DDOST: variants seen among roughly 807,000 people sequenced by gnomAD.
DDOST encodes dolichyl-diphosphooligosaccharide--protein glycosyltransferase non-catalytic subunit.
Under a neutral mutation model 47.6 loss-of-function variants are expected in DDOST, and 25 were observed. The ratio of observed to expected loss-of-function variants is 0.53; its 90% CI spans 0.38 to 0.73. The LOEUF (loss-of-function observed/expected upper bound fraction) is 0.73, where lower values mean the gene tolerates loss of function less well. DDOST is among the 30% of genes least tolerant of loss of function. DDOST has a pLI of 0.00. For synonymous variants in DDOST, 275 were observed against 236.0 expected, an observed-to-expected ratio of 1.17 and a Z score of -1.51; for missense variants, 526 against 573.9, an observed-to-expected ratio of 0.92 and a Z score of 0.85.
chr1:20,657,028 A>AG (rs1191677522), intron 2 of DDOST, among the ~76,000 whole-genome samples: 3 of 152,188 alleles, frequency 2.0e-5, no homozygotes, highest in Non-Finnish European at 2.9e-5. Context: ...ACAATGTGGG[A>AG]GGGGAGCTCT....
At chr1:20,660,788 T>G in intron 2 of DDOST, 93 bp downstream of exon 2, 1 of 745,952 alleles carries the variant, frequency 1.3e-6, no homozygotes, top group South Asian at 1.6e-5. Flanking sequence ...CAACCCATCC[T>G]GTGACCCAGG....
chr1:20,660,763 A>C (rs1570419151), intron 2 of DDOST, 118 bp downstream of exon 2: 1 of 644,948 alleles, frequency 1.6e-6, no homozygotes, highest in South Asian at 1.8e-5. Context: ...CCGTGGTAGC[A>C]CCATCCAGGA....
rs745995127 is a variant in DDOST at position 20,653,688 on chromosome 1, A to C, written c.881T>G (p.Val294Gly). The C allele has an allele frequency of 6.2e-7, 1 of 1,614,040 alleles. No homozygotes were observed. Among genetic ancestry groups the C allele is most frequent in the East Asian group, 2.2e-5 (1 of 44,862 alleles). ...TGTCTCGCCCACCCGATGATGGGAC[A>C]CAGGCCCCACACGGAGGACACCCTC... ...KEEGVLRVGP[V>G]SHHRVGETAP... Residue 294 changes from valine to glycine, a missense_variant, in exon 8 of 11, where the codon GTG (valine) becomes GGG (glycine). Transcript: ENST00000602624.
intron 7 of DDOST, among the ~76,000 whole-genome samples, chr1:20,654,000 G>A (rs1014185570): frequency 2.0e-5 from 3 of 152,192 alleles, no homozygotes; most frequent in African/African-American, 4.8e-5. Flanking sequence ...TAAAAGGAAC[G>A]GTGGAGGTTA....
intron 2 of DDOST, among the ~76,000 whole-genome samples, chr1:20,656,530 C>A (rs1399469755): frequency 6.6e-6 from 1 of 152,218 alleles, no homozygotes; most frequent in Non-Finnish European, 1.5e-5. Context: ...CATATTTCAT[C>A]TCATCACCTG....
chr1:20,659,692 T>C (rs1313005559), intron 2 of DDOST, among the ~76,000 whole-genome samples: 1 of 151,774 alleles, frequency 6.6e-6, no homozygotes, highest in African/African-American at 2.4e-5. Context: ...TGCAAGGGAG[T>C]TGGGAGTGAC....
At chr1:20,654,183 A>G in intron 7 of DDOST, 40 bp downstream of exon 7, 1 of 1,549,162 alleles carries the variant, frequency 6.5e-7, no homozygotes, top group South Asian at 1.2e-5. Flanking sequence ...CACACACTGC[A>G]CCACCCGGAT....
rs2053330623 is a variant in DDOST, at chr1:20,653,892, C to A, written c.795-118G>T. On this transcript the variant is annotated intron_variant, in intron 7 of 10. Transcript: ENST00000602624. ...CCCTAGCGAAGTTCTGCCTGTAGGC[C>A]TTGGGCACCTAGGGACTCATGGTTA... is the stretch of plus-strand genomic sequence containing the variant. The A allele has an allele frequency of 8.2e-6, 10 of 1,217,526 alleles. No homozygotes were observed. In the South Asian group the frequency reaches 1.4e-4, roughly 17 times the overall value. The allele number at this position is 1,217,526 out of a possible 1,614,324, so 75.4% of individuals were successfully genotyped here. A position where few individuals can be genotyped will look rare whatever the true frequency, so the allele number is the denominator to read the frequency against.
chr1:20,661,268 G>T lies in DDOST; in HGVS notation c.83C>A (p.Pro28His). 4.3e-6 allele frequency: 7 copies of T among 1,614,024 alleles called. No homozygotes were observed. Among genetic ancestry groups the T allele is most frequent in the Non-Finnish European group, 5.9e-6 (7 of 1,180,024 alleles). ...PLLGAVCASG[P>H]RTLVLLDNLN... ...GTTGTCCAGCAGCACTAAGGTGCGG[G>T]GTCCGCTGGCGCAAACCGCGCCAAG... The change falls in exon 1 of 11, where the codon CCC (proline) becomes CAC (histidine). Residue 28 changes from proline (P) to histidine (H), a missense_variant. Physicochemically the swap from Pro to His is moderately conservative, Grantham distance 77. Transcript: ENST00000602624.
In DDOST at chr1:20,652,414, A is replaced by C. The variant is rs768487044; in HGVS notation, c.1285T>G (p.Phe429Val). 8.1e-6 allele frequency: 13 copies of C among 1,613,890 alleles called. No homozygotes were observed. Among genetic ancestry groups the C allele is most frequent in the Middle Eastern group, 1.7e-4 (1 of 6,060 alleles). ...MLGLFIFSIV[F>V]LHMKEKEKSD ...TTCTCCTTCTCCTTCATGTGCAAGAAGACGATGCTGAAGATGAAGAGCCCC... is the reference window on the plus strand; with the variant it reads ...TTCTCCTTCTCCTTCATGTGCAAGACGACGATGCTGAAGATGAAGAGCCCC... The change falls in exon 11 of 11, where the codon TTC becomes GTC. Residue 429 changes from phenylalanine (F) to valine (V), a missense_variant. Coordinates refer to ENST00000602624, the MANE Select transcript of DDOST (RefSeq NM_005216.5).
intron 2 of DDOST, among the ~76,000 whole-genome samples, chr1:20,658,228 C>G (rs1469491507): frequency 6.6e-6 from 1 of 152,248 alleles, no homozygotes; most frequent in Non-Finnish European, 1.5e-5. Flanking sequence ...CTGAAAATTT[C>G]TTCCCTTGTA....
chr1:20,658,858 T>C (rs1305420071), intron 2 of DDOST, among the ~76,000 whole-genome samples: 1 of 140,054 alleles, frequency 7.1e-6, no homozygotes, highest in Non-Finnish European at 1.5e-5. Flanking sequence ...TCTCTTTTCT[T>C]TTTTTTTTTT....
At position 20,656,145 on chromosome 1, in the gene DDOST, A is replaced by G. The variant is rs536192419; in HGVS notation, c.308T>C (p.Ile103Thr). The G allele has an allele frequency of 4.2e-5, 68 of 1,614,198 alleles. 1 individual carries two copies. In the South Asian group the frequency reaches 4.7e-4, roughly 11 times the overall value. ...NINVETISAF[I>T]DGGGSVLVAA... ...TACCAGCACACTGCCTCCGCCGTCA[A>G]TAAAGGCACTGATGGTCTCCACGTT... The change falls in exon 3 of 11, where the codon ATT becomes ACT. Residue 103 changes from isoleucine (I) to threonine (T), a missense_variant. Physicochemically the swap from Ile to Thr is moderately conservative, Grantham distance 89 (BLOSUM62 -1). Transcript: ENST00000602624.
chr1:20,653,579 G>C, intron 8 of DDOST, 48 bp downstream of exon 8: 1 of 1,523,622 alleles, frequency 6.6e-7, no homozygotes, highest in Non-Finnish European at 8.9e-7. Context: ...GCTGAGCTCA[G>C]TCAGCTTGGC....
rs1036335973 is a variant in DDOST at position 20,652,576 on chromosome 1, C to T, written c.1170+45G>A. 19 of 1,613,974 alleles carry T rather than the reference C, an allele frequency of 1.2e-5. No homozygotes were observed. The Admixed American group carries it at 3.2e-4, about 27-fold the overall frequency. ...GGACCTGGCCACTGCAGAGCCCAGG[C>T]AGGGCACATGCTAGCTGAAAACAGA... On this transcript the variant is annotated intron_variant, in intron 10 of 10. Coordinates refer to ENST00000602624, the MANE Select transcript of DDOST (RefSeq NM_005216.5).
chr1:20,656,250 C>T lies in DDOST; in HGVS notation c.266-63G>A, dbSNP rs899663085. On this transcript the variant is annotated intron_variant, in intron 2 of 10. Transcript: ENST00000602624. ...CCTCTCCCTGCTCCTCTGACACTGG[C>T]AGGGAGGGGACATGAAGGGCAGAGC... 11 of 1,341,778 alleles carry T rather than the reference C, an allele frequency of 8.2e-6. No homozygotes were observed. The African/African-American group carries it at 1.6e-4, about 19-fold the overall frequency. The allele number at this position is 1,341,778 out of a possible 1,614,324, so 83.1% of individuals were successfully genotyped here.
intron 2 of DDOST, among the ~76,000 whole-genome samples, chr1:20,659,594 T>G (rs2154534399): frequency 6.6e-6 from 1 of 152,300 alleles, no homozygotes; most frequent in South Asian, 2.1e-4. Flanking sequence ...CGAAGCCCAG[T>G]CATCAGAAGA....
chr1:20,657,406 G>T lies in DDOST; in HGVS notation c.266-1219C>A, dbSNP rs115766294. ...AGACTAGGGTACGAGGGTGAAAGTG[G>T]CCATGGTGATGGGTTAGAAGGCCAC... On this transcript the variant is annotated intron_variant, in intron 2 of 10. Coordinates refer to ENST00000602624, the MANE Select transcript of DDOST (RefSeq NM_005216.5). 5.4e-3 allele frequency among the ~76,000 whole-genome samples: 820 copies of T among 152,320 alleles called. 6 individuals are homozygous for T. The highest frequency in any genetic ancestry group is 8.8e-3 in the Non-Finnish European group (596 of 68,034).
At position 20,654,331 on chromosome 1, in the gene DDOST, C is replaced by G. The variant is rs1169873980; in HGVS notation, c.686G>C (p.Gly229Ala). Residue 229 changes from glycine to alanine, a missense_variant, in exon 7 of 11, where the codon GGG becomes GCG. Transcript: ENST00000602624. ...GCGGGCATTGTTCCTGGCCTGGAGCCCAGCAATGAGGAGGGTGTTCTTCCC... is the reference window on the plus strand; with the variant it reads ...GCGGGCATTGTTCCTGGCCTGGAGCGCAGCAATGAGGAGGGTGTTCTTCCC... ...AVGKNTLLIA[G>A]LQARNNARVI... The G allele has an allele frequency of 3.9e-6, 6 of 1,557,624 alleles. No individual in the cohort carries two copies. Among genetic ancestry groups the G allele is most frequent in the Non-Finnish European group, 5.2e-6 (6 of 1,149,876 alleles).
Sources: gnomAD v4.1 joint callset for allele counts (sites outside exome capture counted in the v4.1 genomes callset) on GRCh38, gnomAD v4.1.1 for gene constraint, MANE v1.5 for transcripts, NCBI Gene and HGNC (gene_info 2026-07-23, HGNC 2026-07-21) for gene names.